Variants in PPME1 observed in about 807,000 individuals in gnomAD.
PPME1 encodes testicular secretory protein Li 39.
PPME1 carries 17 observed loss-of-function variants against 56.9 expected under a neutral mutation model. The observed-to-expected ratio is 0.30, with a 90% CI of 0.20 to 0.45. PPME1 has a LOEUF of 0.45. PPME1 is among the 20% of genes least tolerant of loss of function. PPME1 has a pLI of 1.00. For missense variants in PPME1, 357 were observed against 483.2 expected (o/e 0.74, Z 2.45); for synonymous variants, 122 against 156.2 (o/e 0.78, Z 1.63).
At chr11:74,228,619 A>G (rs60206858) in intron 5 of PPME1, among the ~76,000 whole-genome samples, 15,852 of 152,206 alleles carry the variant, frequency 0.1, 2,163 homozygotes, top group African/African-American at 0.32. Context: ...CAGTGAGGTA[A>G]CAAGAATCTG....
At chr11:74,252,429 T>C (rs1859725048) in intron 13 of PPME1, 1 of 454,784 alleles carries the variant, frequency 2.2e-6, no homozygotes, top group Non-Finnish European at 4.4e-6. Context: ...TTGCACAGTG[T>C]CTTCCCATGG....
At position 74,171,443 on chromosome 11, in the gene PPME1, A is replaced by G; in HGVS notation, c.22A>G (p.Met8Val). The G allele has an allele frequency of 1.2e-6, 2 of 1,612,968 alleles. No homozygotes were observed. Among genetic ancestry groups the G allele is most frequent in the South Asian group, 1.1e-5 (1 of 90,790 alleles). Residue 8 changes from methionine (M) to valine (V), a missense_variant, in exon 1 of 14, where the codon ATG (methionine) becomes GTG (valine). By Grantham distance (21) the Met-to-Val change is conservative. Transcript: ENST00000328257. Reference sequence around the variant, plus strand: ...CTCGATGTCGGCCCTCGAAAAGAGCATGCACCTCGGCCGCCTTCCCTCTCG... The same window carrying G: ...CTCGATGTCGGCCCTCGAAAAGAGCGTGCACCTCGGCCGCCTTCCCTCTCG... MSALEKS[M>V]HLGRLPSRPP...
chr11:74,201,721 A>G (rs1043252929), intron 1 of PPME1, among the ~76,000 whole-genome samples: 2 of 152,238 alleles, frequency 1.3e-5, no homozygotes. Flanking sequence ...TATTTGGCAC[A>G]GTGACTCGTT....
At chr11:74,200,085 C>A (rs750197187) in intron 1 of PPME1, among the ~76,000 whole-genome samples, 1 of 152,148 alleles carries the variant, frequency 6.6e-6, no homozygotes, top group Admixed American at 6.5e-5. Flanking sequence ...TCTTTCATTA[C>A]GACCCCTTGA....
At position 74,206,510 on chromosome 11, in the gene PPME1, A is replaced by G. The variant is rs201562842; in HGVS notation, c.288+2065A>G. The stretch of plus-strand genomic sequence containing the variant: ...TTAAGGAACAATTAAAGGAACTGAA[A>G]GGGGTTTGCCTGAAGAAAAGAAAGA... On this transcript the variant is annotated intron_variant, in intron 3 of 13. Coordinates refer to ENST00000328257, the MANE Select transcript of PPME1 (RefSeq NM_016147.3). 1.1e-3 allele frequency among the ~76,000 whole-genome samples: 171 copies of G among 152,310 alleles called. 2 individuals are homozygous for G. Among genetic ancestry groups the G allele is most frequent in the African/African-American group, 3.9e-3 (164 of 41,572 alleles).
chr11:74,233,933 T>C (rs1859130191), intron 7 of PPME1, among the ~76,000 whole-genome samples: 1 of 152,058 alleles, frequency 6.6e-6, no homozygotes, highest in African/African-American at 2.4e-5. Context: ...ATAGAAGAAG[T>C]GGGGAATGAG....
At chr11:74,189,316 G>T (rs1857772959) in intron 1 of PPME1, among the ~76,000 whole-genome samples, 2 of 152,058 alleles carry the variant, frequency 1.3e-5, no homozygotes, top group Non-Finnish European at 2.9e-5. Context: ...TTGAGACAAG[G>T]TCTCACTCTG....
intron 11 of PPME1, 152 bp from the exon 12 acceptor site, chr11:74,250,802 C>T (rs911821379): frequency 1.6e-6 from 1 of 629,176 alleles, no homozygotes; most frequent in African/African-American, 1.8e-5. Flanking sequence ...CTTGTATTAC[C>T]ATCCTCAGCA....
chr11:74,175,223 C>T (rs899648816), intron 1 of PPME1, among the ~76,000 whole-genome samples: 2 of 152,110 alleles, frequency 1.3e-5, no homozygotes, highest in Non-Finnish European at 2.9e-5. Context: ...TACTTTTTGG[C>T]CAGGTGTGGT....
At chr11:74,234,310 AAT>A (rs1859140282) in intron 7 of PPME1, among the ~76,000 whole-genome samples, 1 of 152,226 alleles carries the variant, frequency 6.6e-6, no homozygotes, top group Non-Finnish European at 1.5e-5. Flanking sequence ...ACTAGAGATA[AAT>A]TGGAGAATCG....
intron 10 of PPME1, among the ~76,000 whole-genome samples, chr11:74,246,727 CTAAGCA>C (rs768998794): frequency 6.6e-6 from 1 of 152,324 alleles, no homozygotes; most frequent in Non-Finnish European, 1.5e-5. Context: ...CTAAACCTAA[CTAAGCA>C]TAAGCATTCA....
At chr11:74,213,205 G>A (rs1043727119) in intron 3 of PPME1, among the ~76,000 whole-genome samples, 1 of 152,208 alleles carries the variant, frequency 6.6e-6, no homozygotes, top group Admixed American at 6.5e-5. Context: ...GGCAGTACTT[G>A]CCATGGGCCT....
chr11:74,214,303 A>G (rs912202752), intron 3 of PPME1, among the ~76,000 whole-genome samples: 2 of 152,212 alleles, frequency 1.3e-5, no homozygotes, highest in Non-Finnish European at 2.9e-5. Flanking sequence ...GAAAAAGAAT[A>G]CAAAAACAAT....
At chr11:74,243,387 C>T (rs1174716522) in intron 9 of PPME1, 1 of 151,122 alleles carries the variant, frequency 6.6e-6, no homozygotes, top group Non-Finnish European at 1.5e-5. Context: ...GGTTTTCTTA[C>T]CTTAAATTTG....
chr11:74,185,750 T>C (rs553260457), intron 1 of PPME1, among the ~76,000 whole-genome samples: 20 of 152,228 alleles, frequency 1.3e-4, no homozygotes, highest in Admixed American at 1.0e-3. Flanking sequence ...TTAGAAAATT[T>C]ATTTTCTAAT....
chr11:74,191,662 G>C (rs547689424), intron 1 of PPME1, among the ~76,000 whole-genome samples: 2 of 152,322 alleles, frequency 1.3e-5, no homozygotes, highest in East Asian at 3.9e-4. Context: ...TTGTATCCTG[G>C]CTACTCATGC....
intron 1 of PPME1, among the ~76,000 whole-genome samples, chr11:74,197,541 T>G (rs184784173): frequency 6.6e-6 from 1 of 152,180 alleles, no homozygotes; most frequent in African/African-American, 2.4e-5. Context: ...GCCTATAAAA[T>G]TGGTACTATA....
chr11:74,253,458 A>G (rs371888354), intron 13 of PPME1, 34 bp from the exon 14 acceptor site: 229 of 1,591,704 alleles, frequency 1.4e-4, no homozygotes, highest in Non-Finnish European at 1.9e-4. Context: ...TGATAGTTAC[A>G]TTTGTTTTTC....
At chr11:74,226,949 A>G (rs1174714914) in intron 5 of PPME1, among the ~76,000 whole-genome samples, 1 of 152,214 alleles carries the variant, frequency 6.6e-6, no homozygotes, top group Non-Finnish European at 1.5e-5. Flanking sequence ...GTTGAGATCC[A>G]GACCTTGTTG....
Sources: gnomAD v4.1 joint callset for allele counts (sites outside exome capture counted in the v4.1 genomes callset) on GRCh38, gnomAD v4.1.1 for gene constraint, MANE v1.5 for transcripts, NCBI Gene and HGNC (gene_info 2026-07-23, HGNC 2026-07-21) for gene names.